The following ARCN1 variants were observed in gnomAD, a reference collection of about 807,000 sequenced individuals.
The protein encoded by ARCN1 is archain 1 coat protein complex I subunit delta, also known as coatomer subunit delta.
A neutral mutation model predicts 60.4 loss-of-function variants in ARCN1; 5 were observed. The observed-to-expected ratio is 0.08, with a 90% CI of 0.04 to 0.17. ARCN1 has a LOEUF of 0.17. Among genes scored for constraint, ARCN1 ranks in the 10% least tolerant of loss-of-function variants. The pLI is 1.00. For missense variants in ARCN1, 464 were observed against 626.5 expected (o/e 0.74, Z 2.77); for synonymous variants, 224 against 220.0 (o/e 1.02, Z -0.16).
rs1035134433 is a variant in ARCN1, at chr11:118,590,445, A to G, written c.923A>G (p.Asp308Gly). 1 of 1,614,222 alleles carries G rather than the reference A, an allele frequency of 6.2e-7. No homozygotes were observed. Among genetic ancestry groups the G allele is most frequent in the Non-Finnish European group, 8.5e-7 (1 of 1,180,050 alleles). ...HGMIMLRISD[D>G]KYGRIRLHVE... Reference sequence around the variant, plus strand: ...ATGATCATGCTTAGGATCTCAGATGACAAGTATGGCCGAATTCGTCTTCAT... The same window carrying G: ...ATGATCATGCTTAGGATCTCAGATGGCAAGTATGGCCGAATTCGTCTTCAT... The change falls in exon 6 of 10, where the codon GAC (aspartate) becomes GGC (glycine). Residue 308 changes from aspartate (D) to glycine (G), a missense_variant. Asp to Gly is a moderately conservative substitution (Grantham distance 94, BLOSUM62 -1). Transcript: ENST00000264028.
At chr11:118,600,386 A>G in intron 9 of ARCN1, among the ~76,000 whole-genome samples, 1 of 152,214 alleles carries the variant, frequency 6.6e-6, no homozygotes, top group East Asian at 1.9e-4. Context: ...ACTTAATACT[A>G]CGGAACATCT....
intron 8 of ARCN1, chr11:118,594,096 ATAAG>A (rs1555076773): frequency 1.3e-5 from 2 of 154,770 alleles, no homozygotes; most frequent in African/African-American, 4.8e-5. Context: ...ATATTTATAA[ATAAG>A]TAAAGCAAGG....
intron 1 of ARCN1, among the ~76,000 whole-genome samples, chr11:118,578,433 T>G (rs1355212723): frequency 6.6e-6 from 1 of 152,160 alleles, no homozygotes; most frequent in Non-Finnish European, 1.5e-5. Flanking sequence ...GAAGTTTTGG[T>G]CTGAGCTGTC....
intron 9 of ARCN1, 45 bp from the exon 10 acceptor site, chr11:118,600,580 G>T (rs782063510): frequency 7.4e-7 from 1 of 1,350,530 alleles, no homozygotes. Context: ...ACATGATGGA[G>T]ACTCAAACCT....
In ARCN1 at chr11:118,593,712, C is replaced by G; in HGVS notation, c.1241+14C>G. ...CATCCCACTCCCGTAAGTGCTGTCC[C>G]TGTGTCCTCTACGGTGGACTTAGAG... On this transcript the variant is annotated intron_variant, in intron 8 of 9. Transcript: ENST00000264028. The G allele has an allele frequency of 6.4e-7, 1 of 1,563,326 alleles. No individual in the cohort carries two copies. Among genetic ancestry groups the G allele is most frequent in the African/African-American group, 1.4e-5 (1 of 73,844 alleles).
In ARCN1 at chr11:118,573,836, CAA is replaced by C. The variant is rs1938417572; in HGVS notation, c.3+1289_3+1290del. 3 of 489,760 alleles carry C rather than the reference CAA, an allele frequency of 6.1e-6. No individual in the cohort carries two copies. In the South Asian group the frequency reaches 9.5e-5, roughly 16 times the overall value. 30.3% of individuals were successfully genotyped at this position (489,760 alleles called of 1,614,324 possible). A position where few individuals can be genotyped will look rare whatever the true frequency, so the allele number is the denominator to read the frequency against. On this transcript the variant is annotated intron_variant, in intron 1 of 9. Coordinates refer to ENST00000264028, the MANE Select transcript of ARCN1 (RefSeq NM_001655.5). ...CCTCCTAAAATTTTTGTGTTGGACA[CAA>C]AATTTCCAGAAACTTGTATTTTCAG...
chr11:118,589,968 C>G (rs1190306574), intron 5 of ARCN1, among the ~76,000 whole-genome samples: 1 of 152,044 alleles, frequency 6.6e-6, no homozygotes, highest in East Asian at 1.9e-4. Flanking sequence ...AAAGGGAGTT[C>G]TGATTTCTAC....
rs76515057 is a variant in ARCN1 at position 118,573,789 on chromosome 11, T to C, written c.3+1239T>C. On this transcript the variant is annotated intron_variant, in intron 1 of 9. Coordinates refer to ENST00000264028, the MANE Select transcript of ARCN1 (RefSeq NM_001655.5). ...ACAGCTTTTCTCAGCCTCAGGTATATAAATTGCATCAAACAGGTTTGCCTC... is the reference window on the plus strand; with the variant it reads ...ACAGCTTTTCTCAGCCTCAGGTATACAAATTGCATCAAACAGGTTTGCCTC... The C allele has an allele frequency of 9.5e-4, 530 of 556,872 alleles. 2 individuals are homozygous for C. In the East Asian group the frequency reaches 0.015, roughly 15 times the overall value. 34.5% of individuals were successfully genotyped at this position (556,872 alleles called of 1,614,324 possible).
chr11:118,597,319 C>T (rs562392104), intron 8 of ARCN1, among the ~76,000 whole-genome samples: 2 of 152,296 alleles, frequency 1.3e-5, no homozygotes, highest in Admixed American at 1.3e-4. Context: ...CCATTGTCTC[C>T]TATAAAGAGT....
intron 1 of ARCN1, among the ~76,000 whole-genome samples, chr11:118,577,722 C>T (rs1345853969): frequency 4.6e-5 from 7 of 152,198 alleles, no homozygotes; most frequent in African/African-American, 1.7e-4. Flanking sequence ...AGGCAGAATG[C>T]TAGCCTGTGT....
chr11:118,583,885 G>C lies in ARCN1; in HGVS notation c.524G>C (p.Arg175Thr). The part of the protein sequence containing the change: ...ELQQARRDAE[R>T]QGKKAPGFGG... ...CAACAGGCCCGAAGAGATGCAGAGAGACAGGGCAAAAAAGCACCAGGATTT... is the reference window on the plus strand; with the variant it reads ...CAACAGGCCCGAAGAGATGCAGAGACACAGGGCAAAAAAGCACCAGGATTT... Residue 175 changes from arginine to threonine, a missense_variant, in exon 4 of 10, where the codon AGA becomes ACA. By Grantham distance (71) the Arg-to-Thr change is moderately conservative. Transcript: ENST00000264028. 6.2e-7 allele frequency: 1 copy of C among 1,614,230 alleles called. No homozygotes were observed. The highest frequency in any genetic ancestry group is 8.5e-7 in the Non-Finnish European group (1 of 1,180,038).
At chr11:118,588,188 G>T (rs1302818116) in intron 5 of ARCN1, among the ~76,000 whole-genome samples, 1 of 152,138 alleles carries the variant, frequency 6.6e-6, no homozygotes, top group South Asian at 2.1e-4. Context: ...ACTGGGCAAG[G>T]GTATGACCTA....
chr11:118,592,899 G>T, intron 7 of ARCN1, 43 bp downstream of exon 7: 1 of 1,551,354 alleles, frequency 6.4e-7, no homozygotes, highest in South Asian at 1.2e-5. Flanking sequence ...TTTGCATTGA[G>T]AACTAGAAAT....
chr11:118,599,095 A>ATT (rs565005021), intron 9 of ARCN1, among the ~76,000 whole-genome samples: 1 of 117,320 alleles, frequency 8.5e-6, no homozygotes. Context: ...CGCCTGGCGG[A>ATT]TTTTTTTTTT....
At chr11:118,597,169 T>C (rs1449217657) in intron 8 of ARCN1, among the ~76,000 whole-genome samples, 2 of 152,208 alleles carry the variant, frequency 1.3e-5, no homozygotes, top group Non-Finnish European at 2.9e-5. Flanking sequence ...ATCACGCCAC[T>C]GTACTCCAGC....
rs1357762971 is a variant in ARCN1, at chr11:118,601,445, A to G, written c.*731A>G. On this transcript the variant is annotated 3_prime_UTR_variant, in exon 10 of 10. Coordinates refer to ENST00000264028, the MANE Select transcript of ARCN1 (RefSeq NM_001655.5). The stretch of plus-strand genomic sequence containing the variant: ...TTTGTTTTTAAAAAGTTTTCTCTGT[A>G]GAAAATTTTAATCATTCATACCCTT... The G allele has an allele frequency of 3.3e-6, 2 of 606,710 alleles. No homozygotes were observed. Among genetic ancestry groups the G allele is most frequent in the African/African-American group, 1.9e-5 (1 of 53,806 alleles). 37.6% of individuals were successfully genotyped at this position (606,710 alleles called of 1,614,324 possible). A position where few individuals can be genotyped will look rare whatever the true frequency, so the allele number is the denominator to read the frequency against.
intron 5 of ARCN1, among the ~76,000 whole-genome samples, chr11:118,584,927 G>A (rs182885724): frequency 0.013 from 1,968 of 151,996 alleles, 15 homozygotes; most frequent in Non-Finnish European, 0.02. Context: ...CCAGGTTCAC[G>A]CCATTCTCCT....
chr11:118,601,790 G>T lies in ARCN1; in HGVS notation c.*1076G>T. 5.7e-6 allele frequency: 4 copies of T among 698,612 alleles called. No homozygotes were observed. The South Asian group carries it at 5.9e-5, about 10-fold the overall frequency. 43.3% of individuals were successfully genotyped at this position (698,612 alleles called of 1,614,324 possible). A position where few individuals can be genotyped will look rare whatever the true frequency, so the allele number is the denominator to read the frequency against. On this transcript the variant is annotated 3_prime_UTR_variant, in exon 10 of 10. Coordinates refer to ENST00000264028, the MANE Select transcript of ARCN1 (RefSeq NM_001655.5). ...GATAGCTGAGAAGCACCTTTCAAAT[G>T]GCACAGTCCCTCTTCAAGATGTCTA... is the stretch of plus-strand genomic sequence containing the variant.
intron 6 of ARCN1, among the ~76,000 whole-genome samples, chr11:118,591,843 T>C (rs1938919112): frequency 6.6e-6 from 1 of 151,856 alleles, no homozygotes; most frequent in Non-Finnish European, 1.5e-5. Flanking sequence ...CAAGCAATGC[T>C]TCCTCTTCAG....
Sources: allele counts gnomAD v4.1 joint callset (sites outside exome capture counted in the v4.1 genomes callset), GRCh38; gene constraint gnomAD v4.1.1; transcripts MANE v1.5; gene names NCBI Gene and HGNC (gene_info 2026-07-23, HGNC 2026-07-21).